Variants in CGNL1 observed in about 807,000 individuals in gnomAD.
CGNL1 encodes cingulin-like protein 1.
CGNL1 carries 132 observed loss-of-function variants against 141.2 expected under a neutral mutation model. That is an observed-to-expected ratio of 0.93 (90% confidence interval 0.81 to 1.08). CGNL1 has a LOEUF of 1.08. CGNL1 is among the 50% of genes least tolerant of loss of function. The probability of loss-of-function intolerance (pLI) is 0.00; values close to 1 mark genes in which losing one functional copy is unlikely to be tolerated. For missense variants in CGNL1, 1,870 were observed against 1,588.6 expected (o/e 1.18, Z -3.01); for synonymous variants, 690 against 622.1 (o/e 1.11, Z -1.63).
intron 8 of CGNL1, among the ~76,000 whole-genome samples, chr15:57,475,561 A>C (rs1472932374): frequency 6.8e-6 from 1 of 148,026 alleles, no homozygotes; most frequent in Non-Finnish European, 1.5e-5. Flanking sequence ...TTTTTACATA[A>C]ATGCCTGCTG....
intron 1 of CGNL1, among the ~76,000 whole-genome samples, chr15:57,396,055 TA>T (rs2062598568): frequency 1.3e-5 from 2 of 152,204 alleles, no homozygotes; most frequent in African/African-American, 4.8e-5. Context: ...TGGCTTTTTT[TA>T]CTTAGTATTA....
intron 1 of CGNL1, among the ~76,000 whole-genome samples, chr15:57,412,139 G>A (rs2062795873): frequency 6.6e-6 from 1 of 152,220 alleles, no homozygotes; most frequent in Non-Finnish European, 1.5e-5. Flanking sequence ...TCAGACGGGT[G>A]CTGGTGATGT....
intron 1 of CGNL1, among the ~76,000 whole-genome samples, chr15:57,382,076 G>A (rs1452566424): frequency 2.6e-5 from 4 of 152,132 alleles, no homozygotes; most frequent in African/African-American, 9.7e-5. Context: ...TCAGCGTTGG[G>A]CATTCTAGAA....
intron 8 of CGNL1, among the ~76,000 whole-genome samples, chr15:57,470,259 T>C (rs2063564652): frequency 1.4e-5 from 2 of 147,320 alleles, no homozygotes; most frequent in South Asian, 2.2e-4. Flanking sequence ...TGTCTCTCTT[T>C]TTTTTTTTTT....
intron 1 of CGNL1, among the ~76,000 whole-genome samples, chr15:57,389,918 C>T (rs554091724): frequency 6.6e-5 from 10 of 152,008 alleles, no homozygotes; most frequent in Admixed American, 2.0e-4. Context: ...TGGGTCCAAG[C>T]GATTCTTCTA....
intron 1 of CGNL1, among the ~76,000 whole-genome samples, chr15:57,415,165 A>G (rs1173797846): frequency 6.6e-6 from 1 of 152,138 alleles, no homozygotes; most frequent in African/African-American, 2.4e-5. Context: ...TTCTTCCTGG[A>G]GGCTGACTCT....
intron 5 of CGNL1, 107 bp downstream of exon 5, chr15:57,451,708 C>T (rs1358672275): frequency 1.4e-6 from 1 of 720,174 alleles, no homozygotes; most frequent in African/African-American, 1.8e-5. Flanking sequence ...TTTTTTCCCC[C>T]AAAAGAAACA....
chr15:57,418,305 T>G (rs1265614842), intron 1 of CGNL1, among the ~76,000 whole-genome samples: 1 of 152,172 alleles, frequency 6.6e-6, no homozygotes, highest in East Asian at 1.9e-4. Context: ...AATATCTTGT[T>G]CCATATAATT....
intron 1 of CGNL1, among the ~76,000 whole-genome samples, chr15:57,418,573 C>G (rs1363506597): frequency 6.6e-6 from 1 of 152,152 alleles, no homozygotes; most frequent in African/African-American, 2.4e-5. Flanking sequence ...CCCTCTAGTT[C>G]TACTCTTTGG....
chr15:57,480,256 G>A (rs576676664), intron 8 of CGNL1, among the ~76,000 whole-genome samples: 76 of 151,450 alleles, frequency 5.0e-4, no homozygotes, highest in Admixed American at 1.3e-3. Context: ...AGGAGCTCAC[G>A]CCTGTAATCT....
chr15:57,454,057 T>C (rs1339135319), intron 7 of CGNL1, among the ~76,000 whole-genome samples: 2 of 152,210 alleles, frequency 1.3e-5, no homozygotes, highest in Non-Finnish European at 2.9e-5. Context: ...TGTTGAGGTA[T>C]TAGATTCACA....
At chr15:57,517,694 G>A (rs1395530417) in intron 9 of CGNL1, among the ~76,000 whole-genome samples, 1 of 152,200 alleles carries the variant, frequency 6.6e-6, no homozygotes, top group Non-Finnish European at 1.5e-5. Context: ...GTGGAGTGGG[G>A]AACTGACTGG....
intron 14 of CGNL1, among the ~76,000 whole-genome samples, chr15:57,538,254 G>A (rs1436507573): frequency 6.6e-6 from 1 of 152,186 alleles, no homozygotes; most frequent in African/African-American, 2.4e-5. Flanking sequence ...TTCATGTCAG[G>A]CTGTCCTTTG....
intron 8 of CGNL1, among the ~76,000 whole-genome samples, chr15:57,501,418 A>C (rs552071660): frequency 6.6e-6 from 1 of 152,352 alleles, no homozygotes; most frequent in African/African-American, 2.4e-5. Context: ...TAGACTGAGC[A>C]CTCAGAAAAT....
At chr15:57,506,590 T>A (rs752043145) in intron 8 of CGNL1, among the ~76,000 whole-genome samples, 24 of 152,172 alleles carry the variant, frequency 1.6e-4, no homozygotes, top group Non-Finnish European at 2.6e-4. Context: ...GTTCGGGGCC[T>A]CCTTTTCCCT....
chr15:57,533,909 A>C (rs2032102463), intron 14 of CGNL1, among the ~76,000 whole-genome samples: 1 of 152,228 alleles, frequency 6.6e-6, no homozygotes, highest in Non-Finnish European at 1.5e-5. Flanking sequence ...AAGGGAACTC[A>C]CTTGGTCTGC....
At chr15:57,456,482 G>T (rs1415080519) in intron 7 of CGNL1, among the ~76,000 whole-genome samples, 2 of 150,050 alleles carry the variant, frequency 1.3e-5, no homozygotes, top group Non-Finnish European at 3.0e-5. Flanking sequence ...TAATAAACTG[G>T]CTTTCACTTA....
At chr15:57,520,017 A>G (rs1299251455) in intron 10 of CGNL1, among the ~76,000 whole-genome samples, 3 of 152,158 alleles carry the variant, frequency 2.0e-5, no homozygotes, top group Non-Finnish European at 2.9e-5. Flanking sequence ...CCATCTGTGG[A>G]TCTCTAGCCT....
intron 8 of CGNL1, among the ~76,000 whole-genome samples, chr15:57,498,291 C>G (rs2063972638): frequency 8.0e-6 from 1 of 124,702 alleles, no homozygotes; most frequent in African/African-American, 3.0e-5. Context: ...ACCCTGTTGC[C>G]CAGGCTGGAG....
Sources: allele counts gnomAD v4.1 joint callset (sites outside exome capture counted in the v4.1 genomes callset), GRCh38; gene constraint gnomAD v4.1.1; transcripts MANE v1.5; gene names NCBI Gene and HGNC (gene_info 2026-07-23, HGNC 2026-07-21).